USP22: variants seen among roughly 807,000 people sequenced by gnomAD.
USP22 encodes the protein ubiquitin carboxyl-terminal hydrolase 22.
Under a neutral mutation model 68.1 loss-of-function variants are expected in USP22, and 22 were observed. The observed-to-expected ratio is 0.32, with a 90% CI of 0.23 to 0.46. The LOEUF (loss-of-function observed/expected upper bound fraction) is 0.46, where lower values mean the gene tolerates loss of function less well. USP22 is among the 20% of genes least tolerant of loss of function. USP22 has a pLI of 1.00. For synonymous variants in USP22, 279 were observed against 274.2 expected, an observed-to-expected ratio of 1.02 and a Z score of -0.17; for missense variants, 433 against 695.8, an observed-to-expected ratio of 0.62 and a Z score of 4.25.
chr17:21,037,405 G>A (rs1047506070), intron 1 of USP22, among the ~76,000 whole-genome samples: 1 of 151,778 alleles, frequency 6.6e-6, no homozygotes, highest in Non-Finnish European at 1.5e-5. Flanking sequence ...ACATGACTTC[G>A]GCCATTCAGT....
intron 4 of USP22, chr17:21,018,323 T>C (rs1431108950): frequency 4.2e-6 from 2 of 471,122 alleles, no homozygotes; most frequent in East Asian, 7.1e-5. Flanking sequence ...CCCCTCCCAC[T>C]TCAGCCATTG....
At chr17:21,036,492 AG>A (rs1004014595) in intron 1 of USP22, among the ~76,000 whole-genome samples, 2 of 117,836 alleles carry the variant, frequency 1.7e-5, no homozygotes, top group East Asian at 3.0e-4. Context: ...TAAAAGCAAA[AG>A]GAACTGTAAC....
chr17:21,015,671 G>A lies in USP22; in HGVS notation c.838+81C>T, dbSNP rs1032514693. 2.7e-5 allele frequency: 40 copies of A among 1,474,268 alleles called. No individual in the cohort carries two copies. The African/African-American group carries it at 3.3e-4, about 12-fold the overall frequency. 91.3% of individuals were successfully genotyped at this position (1,474,268 alleles called of 1,614,324 possible). On this transcript the variant is annotated intron_variant, in intron 6 of 12. Coordinates refer to ENST00000261497, the MANE Select transcript of USP22 (RefSeq NM_015276.2). ...GTGTCACCTGTGCCCCTTTTTGCAC[G>A]AGTGCATACACTCGCTTTGCTTCCT...
intron 2 of USP22, among the ~76,000 whole-genome samples, chr17:21,024,758 A>G (rs1249586889): frequency 6.6e-6 from 1 of 152,146 alleles, no homozygotes; most frequent in Non-Finnish European, 1.5e-5. Flanking sequence ...ACTTGAGCCC[A>G]GAGTTCAAGA....
intron 3 of USP22, among the ~76,000 whole-genome samples, chr17:21,019,632 A>T (rs1001969721): frequency 1.3e-5 from 2 of 148,496 alleles, no homozygotes; most frequent in African/African-American, 2.5e-5. Flanking sequence ...ACTAAGATAG[A>T]TCCAACAGTT....
At chr17:21,020,676 G>GAT (rs1972145915) in intron 3 of USP22, among the ~76,000 whole-genome samples, 1 of 152,238 alleles carries the variant, frequency 6.6e-6, no homozygotes, top group African/African-American at 2.4e-5. Context: ...ACTGCAAAGA[G>GAT]ATCGCTTGCT....
intron 1 of USP22, among the ~76,000 whole-genome samples, chr17:21,036,070 A>G (rs928191475): frequency 2.7e-5 from 4 of 150,856 alleles, no homozygotes; most frequent in African/African-American, 4.9e-5. Flanking sequence ...TGAACTTTCA[A>G]TCCACTCAAT....
At chr17:21,034,712 A>T (rs982729147) in intron 1 of USP22, among the ~76,000 whole-genome samples, 7 of 152,184 alleles carry the variant, frequency 4.6e-5, no homozygotes, top group Admixed American at 3.9e-4. Flanking sequence ...AGTGAACACA[A>T]GCCACTTTTA....
rs1913583592 is a variant in USP22, at chr17:21,001,682, T to C, written c.*1349A>G. The C allele has an allele frequency of 6.6e-6, 1 of 152,260 alleles. No homozygotes were observed. Among genetic ancestry groups the C allele is most frequent in the African/African-American group, 2.4e-5 (1 of 41,462 alleles). 9.4% of individuals were successfully genotyped at this position (152,260 alleles called of 1,614,324 possible). On this transcript the variant is annotated 3_prime_UTR_variant, in exon 13 of 13. Transcript: ENST00000261497. Reference sequence around the variant, plus strand: ...ACTGAAGAAGCCTCAGTTCAGATGCTGCTGGGGCTCCTGGGACAAGCACAG... The same window carrying C: ...ACTGAAGAAGCCTCAGTTCAGATGCCGCTGGGGCTCCTGGGACAAGCACAG...
At chr17:21,008,361 C>A (rs1283231244) in intron 8 of USP22, among the ~76,000 whole-genome samples, 1 of 152,144 alleles carries the variant, frequency 6.6e-6, no homozygotes, top group Non-Finnish European at 1.5e-5. Flanking sequence ...ACTGGAAACA[C>A]CCCGTTTCTT....
In USP22 at chr17:21,028,572, C is replaced by T. The variant is rs755143858; in HGVS notation, c.274G>A (p.Glu92Lys). Residue 92 changes from glutamate (E) to lysine (K), a missense_variant, in exon 2 of 13, where the codon GAG becomes AAG. Transcript: ENST00000261497. ...TTGTGCCGCTTCGCCTTCGCATGCT[C>T]GTGAATATGCTTCTTTGTGAAACAG... ...FGCFTKKHIH[E>K]HAKAKRHNLA... 4 of 1,614,026 alleles carry T rather than the reference C, an allele frequency of 2.5e-6. No homozygotes were observed. The highest frequency in any genetic ancestry group is 1.1e-5 in the South Asian group (1 of 91,066).
intron 4 of USP22, 136 bp from the exon 5 acceptor site, chr17:21,018,247 T>C (rs1045713217): frequency 3.5e-5 from 28 of 808,672 alleles, no homozygotes; most frequent in South Asian, 4.0e-5. Context: ...CGATGAGATA[T>C]CGCATTCTGC....
At chr17:21,016,087 C>T (rs1175604237) in intron 5 of USP22, among the ~76,000 whole-genome samples, 188 bp from the exon 6 acceptor site, 1 of 152,132 alleles carries the variant, frequency 6.6e-6, no homozygotes, top group East Asian at 1.9e-4. Context: ...CTTTTCGAGT[C>T]CTCATATGAA....
At chr17:21,011,071 A>C in intron 8 of USP22, 80 bp downstream of exon 8, 4 of 1,497,360 alleles carry the variant, frequency 2.7e-6, no homozygotes, top group Non-Finnish European at 3.6e-6. Flanking sequence ...GGCATGTGAA[A>C]GAGCCCTGCT....
At chr17:21,040,887 C>CTTT (rs376506784) in intron 1 of USP22, among the ~76,000 whole-genome samples, 25 of 142,872 alleles carry the variant, frequency 1.7e-4, no homozygotes, top group African/African-American at 5.5e-4. Flanking sequence ...CCAGGCCACC[C>CTTT]TTTTTTTTTT....
chr17:21,014,908 G>A (rs543968221), intron 6 of USP22, among the ~76,000 whole-genome samples: 83 of 152,292 alleles, frequency 5.5e-4, no homozygotes, highest in African/African-American at 1.9e-3. Flanking sequence ...CATCAGCTGG[G>A]AACTGATTAA....
At chr17:21,026,855 G>T (rs1310432150) in intron 2 of USP22, among the ~76,000 whole-genome samples, 1 of 150,380 alleles carries the variant, frequency 6.6e-6, no homozygotes, top group African/African-American at 2.5e-5. Flanking sequence ...AGGCTGGAGT[G>T]CAGTGGTGCG....
At chr17:21,034,637 C>T (rs1013876807) in intron 1 of USP22, among the ~76,000 whole-genome samples, 3 of 152,114 alleles carry the variant, frequency 2.0e-5, no homozygotes, top group African/African-American at 7.2e-5. Flanking sequence ...GCCACCTGCC[C>T]GTTAAGTCAC....
At chr17:21,040,389 C>G (rs1770415916) in intron 1 of USP22, among the ~76,000 whole-genome samples, 1 of 152,150 alleles carries the variant, frequency 6.6e-6, no homozygotes, top group Non-Finnish European at 1.5e-5. Flanking sequence ...TCCCCCCAGT[C>G]AGAGGAAAAA....
Sources: allele counts gnomAD v4.1 joint callset (sites outside exome capture counted in the v4.1 genomes callset), GRCh38; gene constraint gnomAD v4.1.1; transcripts MANE v1.5; gene names NCBI Gene and HGNC (gene_info 2026-07-23, HGNC 2026-07-21).